FLNB: variants seen among roughly 807,000 people sequenced by gnomAD.
FLNB encodes the protein filamin-B.
Under a neutral mutation model 250.6 loss-of-function variants are expected in FLNB, and 111 were observed. The ratio of observed to expected loss-of-function variants is 0.44; its 90% CI spans 0.38 to 0.52. FLNB has a LOEUF of 0.52. Among genes scored for constraint, FLNB ranks in the 20% least tolerant of loss-of-function variants. The probability of loss-of-function intolerance (pLI) is 0.00; values close to 1 mark genes in which losing one functional copy is unlikely to be tolerated. For synonymous variants in FLNB, 1,302 were observed against 1,372.1 expected, an observed-to-expected ratio of 0.95 and a Z score of 1.13; for missense variants, 2,869 against 3,447.8, an observed-to-expected ratio of 0.83 and a Z score of 4.20.
In FLNB at chr3:58,150,198, G is replaced by T. The variant is rs143943560; in HGVS notation, c.6338G>T (p.Ser2113Ile). ...SRAPSVATVG[S>I]ICDLNLKIPE... ...GCCCCGTCCGTGGCCACTGTCGGGA[G>T]CATTTGTGACCTGAACCTGAAAATC... is the stretch of plus-strand genomic sequence containing the variant. Residue 2113 changes from serine (S) to isoleucine (I), a missense_variant, in exon 38 of 46, where the codon AGC (serine) becomes ATC (isoleucine). Around this residue, in one of 5 missense-constraint regions of FLNB, gnomAD observed 1,084 missense variants for 1,315.5 expected, o/e 0.82. Coordinates refer to ENST00000295956, the MANE Select transcript of FLNB (RefSeq NM_001457.4). 6.2e-7 allele frequency: 1 copy of T among 1,614,234 alleles called. No homozygotes were observed. Among genetic ancestry groups the T allele is most frequent in the South Asian group, 1.1e-5 (1 of 91,082 alleles).
intron 36 of FLNB, chr3:58,149,561 T>TC (rs1201625475): frequency 4.2e-6 from 2 of 478,566 alleles, no homozygotes; most frequent in African/African-American, 3.9e-5. Flanking sequence ...CAGAAGGTCC[T>TC]CCCCAGCAGT....
At chr3:58,097,781 G>T in intron 6 of FLNB, 34 bp from the exon 7 acceptor site, 2 of 1,606,284 alleles carry the variant, frequency 1.2e-6, no homozygotes, top group South Asian at 2.2e-5. Context: ...ACAGAGAAGT[G>T]ATTATGTATT....
intron 7 of FLNB, 67 bp from the exon 8 acceptor site, chr3:58,098,644 T>G: frequency 6.6e-7 from 1 of 1,506,836 alleles, no homozygotes; most frequent in Non-Finnish European, 9.2e-7. Flanking sequence ...GTTTGCATTT[T>G]GCACTCAGCA....
chr3:58,082,608 A>T (rs1475105213), intron 4 of FLNB, among the ~76,000 whole-genome samples: 12 of 151,988 alleles, frequency 7.9e-5, no homozygotes, highest in South Asian at 2.1e-4. Flanking sequence ...CTGTCTCTAC[A>T]AAAAATACAA....
At chr3:58,010,659 A>G (rs1421779286) in intron 1 of FLNB, among the ~76,000 whole-genome samples, 1 of 152,160 alleles carries the variant, frequency 6.6e-6, no homozygotes, top group Non-Finnish European at 1.5e-5. Context: ...AAAAATGTGT[A>G]TTTATTTAAT....
chr3:58,152,764 C>A, intron 38 of FLNB: 1 of 1,338,216 alleles, frequency 7.5e-7, no homozygotes, highest in Non-Finnish European at 9.9e-7. Context: ...GGTGCAGTTT[C>A]ATACTGGCTC....
chr3:58,031,764 G>A (rs1327130657), intron 1 of FLNB, among the ~76,000 whole-genome samples: 3 of 151,266 alleles, frequency 2.0e-5, no homozygotes, highest in Admixed American at 6.6e-5. Flanking sequence ...GGCTGGTCTC[G>A]AACCCCTGGG....
chr3:58,023,295 C>T (rs2097117232), intron 1 of FLNB, among the ~76,000 whole-genome samples: 1 of 151,964 alleles, frequency 6.6e-6, no homozygotes, highest in Non-Finnish European at 1.5e-5. Context: ...ACAGGCTAAG[C>T]TTGTCTTGAA....
intron 8 of FLNB, among the ~76,000 whole-genome samples, chr3:58,100,580 TTTCTTTTTCTTTTTTTTTTTG>T (rs2097249087): frequency 7.1e-6 from 1 of 139,998 alleles, no homozygotes; most frequent in Non-Finnish European, 1.5e-5. Flanking sequence ...TTTTTTTCTT[TTTCTTTTTCTTTTTTTTTTTG>T]TTTTGTTTTG....
chr3:58,140,617 G>T (rs1298581780), intron 29 of FLNB, among the ~76,000 whole-genome samples: 10 of 150,814 alleles, frequency 6.6e-5, no homozygotes, highest in Admixed American at 4.0e-4. Flanking sequence ...AATCTTTTTT[G>T]TTTTTTTTTG....
chr3:58,149,116 G>A lies in FLNB; in HGVS notation c.6091+264G>A, dbSNP rs904985687. Reference sequence around the variant, plus strand: ...TCTGAACCCAGAGCCACAACACCTCGCAAACCCCTGTTTTCTTATCTGCTC... The same window carrying A: ...TCTGAACCCAGAGCCACAACACCTCACAAACCCCTGTTTTCTTATCTGCTC... On this transcript the variant is annotated intron_variant, in intron 36 of 45. Coordinates refer to ENST00000295956, the MANE Select transcript of FLNB (RefSeq NM_001457.4). 2.1e-5 allele frequency: 10 copies of A among 487,002 alleles called. 1 individual carries two copies. Among genetic ancestry groups the A allele is most frequent in the African/African-American group, 3.9e-5 (2 of 51,286 alleles). The allele number at this position is 487,002 out of a possible 1,614,324, so 30.2% of individuals were successfully genotyped here.
chr3:58,093,500 G>A (rs373567567), intron 4 of FLNB, among the ~76,000 whole-genome samples: 19 of 152,202 alleles, frequency 1.2e-4, no homozygotes, highest in East Asian at 1.2e-3. Flanking sequence ...AAAGCTATCC[G>A]GGAGCCCACT....
At chr3:58,125,922 A>G (rs946943317) in intron 23 of FLNB, among the ~76,000 whole-genome samples, 179 bp downstream of exon 23, 4 of 152,236 alleles carry the variant, frequency 2.6e-5, no homozygotes, top group Admixed American at 6.5e-5. Context: ...ATACCAAAGC[A>G]CTTGATAATG....
At chr3:58,084,645 T>C (rs2097214410) in intron 4 of FLNB, among the ~76,000 whole-genome samples, 1 of 152,220 alleles carries the variant, frequency 6.6e-6, no homozygotes, top group Non-Finnish European at 1.5e-5. Flanking sequence ...TTTTAACCAT[T>C]TTTAAGTGTG....
intron 16 of FLNB, 40 bp from the exon 17 acceptor site, chr3:58,111,751 C>A: frequency 6.7e-7 from 1 of 1,497,890 alleles, no homozygotes; most frequent in Non-Finnish European, 9.3e-7. Context: ...CTGGCTGTTG[C>A]TTCAGGGGCT....
chr3:58,144,181 GT>G (rs2097331919), intron 32 of FLNB, among the ~76,000 whole-genome samples: 1 of 152,214 alleles, frequency 6.6e-6, no homozygotes, highest in Admixed American at 6.5e-5. Context: ...TACGAAGAAA[GT>G]TTTCCTTCCT....
At chr3:58,042,388 C>T (rs1167058406) in intron 1 of FLNB, among the ~76,000 whole-genome samples, 1 of 149,110 alleles carries the variant, frequency 6.7e-6, no homozygotes, top group Non-Finnish European at 1.5e-5. Context: ...TACTCTGTCA[C>T]CCAGGCTAGG....
chr3:58,104,115 C>T (rs1396527569), intron 10 of FLNB, 30 bp downstream of exon 10: 1 of 1,612,270 alleles, frequency 6.2e-7, no homozygotes, highest in Non-Finnish European at 8.5e-7. Flanking sequence ...GGGGTCTTCT[C>T]TGGAGGGTGC....
In FLNB at chr3:58,142,290, C is replaced by T. The variant is rs1396535548; in HGVS notation, c.5182-360C>T. 6.6e-6 allele frequency among the ~76,000 whole-genome samples: 1 copy of T among 152,220 alleles called. No individual in the cohort carries two copies. The highest frequency in any genetic ancestry group is 1.5e-5 in the Non-Finnish European group (1 of 68,044). ...GAAAGCCACCCACTGCTACTCTCTG[C>T]CACTTAAAATGCACCTTCTTTTCCA... On this transcript the variant is annotated intron_variant, in intron 30 of 45. Coordinates refer to ENST00000295956, the MANE Select transcript of FLNB (RefSeq NM_001457.4). This position sits in a 1 kb window ranked among gnomAD's most constrained non-coding sequence, Gnocchi z 4.3.
Sources: allele counts gnomAD v4.1 joint callset (sites outside exome capture counted in the v4.1 genomes callset), GRCh38; gene constraint gnomAD v4.1.1; regional missense constraint gnomAD v4.1.1; non-coding constraint Gnocchi (gnomAD v3.1); transcripts MANE v1.5; gene names NCBI Gene and HGNC (gene_info 2026-07-23, HGNC 2026-07-21).